Variants in ADAM7 observed in about 807,000 individuals in gnomAD.
The protein encoded by ADAM7 is disintegrin and metalloproteinase domain-containing protein 7.
In ADAM7, 97 loss-of-function variants were observed where a neutral mutation model predicts 102.9. The observed-to-expected ratio is 0.94, with a 90% CI of 0.80 to 1.12. ADAM7 has a LOEUF of 1.12. ADAM7 is among the 50% of genes most tolerant of loss of function. The pLI is 0.00. For missense variants in ADAM7, 991 were observed against 908.7 expected, an observed-to-expected ratio of 1.09 and a Z score of -1.16; for synonymous variants, 334 against 304.4, an observed-to-expected ratio of 1.10 and a Z score of -1.01.
At chr8:24,490,715 C>T in intron 12 of ADAM7, 84 bp from the exon 13 acceptor site, 1 of 1,347,860 alleles carries the variant, frequency 7.4e-7, no homozygotes, top group Non-Finnish European at 1.0e-6. Context: ...CTATCAGAAT[C>T]CACAGAAGCA....
At chr8:24,504,686 G>A (rs572213718) in intron 20 of ADAM7, among the ~76,000 whole-genome samples, 23 of 151,986 alleles carry the variant, frequency 1.5e-4, no homozygotes, top group African/African-American at 5.6e-4. Context: ...CAGAGGTTTC[G>A]AATGCTTTGC....
At chr8:24,443,704 G>A (rs748686693) in intron 2 of ADAM7, among the ~76,000 whole-genome samples, 5 of 152,112 alleles carry the variant, frequency 3.3e-5, no homozygotes, top group South Asian at 2.1e-4. Flanking sequence ...TTGGGAGGCC[G>A]AGGAGGGCAG....
rs200343668 is a variant in ADAM7 at position 24,463,871 on chromosome 8, C to G, written c.234-11C>G. ...GAACAAATCTCACCACCTGTCTGCC[C>G]TCTTTTTCAGGGAGTTCCTAGGCTC... On this transcript the variant is annotated splice_polypyrimidine_tract_variant and intron_variant, in intron 3 of 21. Transcript: ENST00000175238. The G allele has an allele frequency of 1.2e-6, 2 of 1,611,098 alleles. No individual in the cohort carries two copies. The highest frequency in any genetic ancestry group is 1.1e-5 in the South Asian group (1 of 90,956).
Position 24,501,471 on chromosome 8 carries a change from T to G in ADAM7, c.2109-6T>G, listed in dbSNP as rs770298278. ...TAAATTAGTTGTTCAATTTCCTTCT[T>G]GACAGCCCACCTACAGAAACCCTGG... On this transcript the variant is annotated splice_region_variant and splice_polypyrimidine_tract_variant and intron_variant, in intron 19 of 21. Transcript: ENST00000175238. 88 of 1,598,862 alleles carry G rather than the reference T, an allele frequency of 5.5e-5. 1 individual carries two copies. Among genetic ancestry groups the G allele is most frequent in the South Asian group, 5.2e-4 (45 of 87,078 alleles).
chr8:24,500,354 T>C, intron 18 of ADAM7, 98 bp downstream of exon 18: 1 of 1,122,648 alleles, frequency 8.9e-7, no homozygotes. Flanking sequence ...TGCTGTGTTT[T>C]GATATGGATT....
chr8:24,492,197 T>C, intron 14 of ADAM7, 99 bp downstream of exon 14: 10 of 1,187,366 alleles, frequency 8.4e-6, no homozygotes, highest in East Asian at 2.4e-5. Context: ...ATAATGTCAT[T>C]TGTGGCATTA....
intron 1 of ADAM7, 62 bp downstream of exon 1, chr8:24,441,222 C>A: frequency 6.7e-7 from 1 of 1,494,918 alleles, no homozygotes; most frequent in Non-Finnish European, 9.3e-7. Flanking sequence ...TCTCTTTAGT[C>A]ACAAACTTTA....
At chr8:24,500,283 A>G (rs1360476614) in intron 18 of ADAM7, 27 bp downstream of exon 18, 4 of 1,589,102 alleles carry the variant, frequency 2.5e-6, no homozygotes, top group East Asian at 2.3e-5. Flanking sequence ...AAAATCTTTC[A>G]TATATCAAAA....
At chr8:24,477,600 TAC>T in intron 8 of ADAM7, among the ~76,000 whole-genome samples, 1 of 58,568 alleles carries the variant, frequency 1.7e-5, no homozygotes, top group South Asian at 4.6e-4. Context: ...GTGTGGTATT[TAC>T]AGTGTTGGAT....
At chr8:24,498,904 T>A (rs1443947392) in intron 16 of ADAM7, among the ~76,000 whole-genome samples, 8 of 152,024 alleles carry the variant, frequency 5.3e-5, no homozygotes, top group Non-Finnish European at 1.2e-4. Context: ...AAAGAAACTG[T>A]TGCAATTACA....
intron 2 of ADAM7, among the ~76,000 whole-genome samples, chr8:24,445,718 T>C (rs1337942274): frequency 6.6e-6 from 1 of 152,234 alleles, no homozygotes. Context: ...ATTTTGCTTC[T>C]CTTTGTTCAT....
Position 24,487,259 on chromosome 8 carries a change from C to T in ADAM7, c.1033C>T (p.His345Tyr). ...HQLGHNLGMQ[H>Y]DEFPCTCPSG... ...ACTGGGGCATAACCTTGGGATGCAG[C>T]ATGACGAGTTCCCATGCACCTGTCC... Residue 345 changes from histidine to tyrosine, a missense_variant, in exon 11 of 22, where the codon CAT becomes TAT. Physicochemically the swap from His to Tyr is moderately conservative, Grantham distance 83 (BLOSUM62 2). Coordinates refer to ENST00000175238, the MANE Select transcript of ADAM7 (RefSeq NM_003817.4). 1 of 1,613,894 alleles carries T rather than the reference C, an allele frequency of 6.2e-7. No homozygotes were observed. Among genetic ancestry groups the T allele is most frequent in the Non-Finnish European group, 8.5e-7 (1 of 1,179,870 alleles).
At chr8:24,443,304 A>G (rs1210647760) in intron 2 of ADAM7, among the ~76,000 whole-genome samples, 1 of 152,142 alleles carries the variant, frequency 6.6e-6, no homozygotes, top group African/African-American at 2.4e-5. Context: ...CCATTAGAGC[A>G]GCCAGTTTTT....
chr8:24,493,010 G>T, intron 15 of ADAM7, 33 bp from the exon 16 acceptor site: 7 of 1,537,508 alleles, frequency 4.6e-6, no homozygotes, highest in South Asian at 1.3e-5. Flanking sequence ...TGTATTTCTA[G>T]TTCCAAGTTT....
chr8:24,500,315 T>C, intron 18 of ADAM7, 59 bp downstream of exon 18: 2 of 1,492,592 alleles, frequency 1.3e-6, no homozygotes, highest in Non-Finnish European at 1.8e-6. Context: ...GAAAAAAGTT[T>C]TTCTTATTTT....
chr8:24,504,005 T>A (rs1820855983), intron 20 of ADAM7, among the ~76,000 whole-genome samples: 1 of 150,822 alleles, frequency 6.6e-6, no homozygotes, highest in Admixed American at 6.6e-5. Context: ...TACACATGTA[T>A]CCCTGAACTT....
intron 3 of ADAM7, among the ~76,000 whole-genome samples, chr8:24,449,408 G>A (rs1214158122): frequency 3.9e-5 from 6 of 152,280 alleles, no homozygotes; most frequent in South Asian, 2.1e-4. Flanking sequence ...GGCCAGTGAC[G>A]GTGAGCATTT....
At chr8:24,441,460 A>G (rs1437781396) in intron 1 of ADAM7, among the ~76,000 whole-genome samples, 1 of 152,232 alleles carries the variant, frequency 6.6e-6, no homozygotes, top group Non-Finnish European at 1.5e-5. Flanking sequence ...AAAATTTGAA[A>G]TTAATATCTC....
intron 3 of ADAM7, among the ~76,000 whole-genome samples, chr8:24,460,254 G>C (rs1375818280): frequency 6.6e-6 from 1 of 151,988 alleles, no homozygotes. Context: ...TCTTTTGTAA[G>C]ATGGAAATTA....
Sources: gnomAD v4.1 joint callset for allele counts (sites outside exome capture counted in the v4.1 genomes callset) on GRCh38, gnomAD v4.1.1 for gene constraint, MANE v1.5 for transcripts, NCBI Gene and HGNC (gene_info 2026-07-23, HGNC 2026-07-21) for gene names.